NAALADL2: variants seen among roughly 807,000 people sequenced by gnomAD.
The protein encoded by NAALADL2 is N-acetylated alpha-linked acidic dipeptidase like 2, also known as inactive N-acetylated-alpha-linked acidic dipeptidase-like protein 2.
Under a neutral mutation model 87.2 loss-of-function variants are expected in NAALADL2, and 76 were observed. That is an observed-to-expected ratio of 0.87 (90% CI 0.72 to 1.05). NAALADL2 has a LOEUF of 1.05. Ranked by LOEUF, NAALADL2 falls within the 50% of genes least tolerant of loss-of-function variation. The pLI is 0.00. For synonymous variants in NAALADL2, 354 were observed against 331.0 expected, an observed-to-expected ratio of 1.07 and a Z score of -0.75; for missense variants, 1,089 against 945.8, an observed-to-expected ratio of 1.15 and a Z score of -1.99.
At chr3:175,544,801 A>G (rs1201445627) in intron 9 of NAALADL2, among the ~76,000 whole-genome samples, 1 of 152,028 alleles carries the variant, frequency 6.6e-6, no homozygotes, top group Admixed American at 6.6e-5. Context: ...CTGAAAATCC[A>G]GTGTTCACCT....
Position 175,609,986 on chromosome 3 carries a change from T to C in NAALADL2, c.1801-17305T>C, listed in dbSNP as rs555713919. ...CCTTCTTTATGCTAGTTCTTTTCAA[T>C]GTAAAAAAAAAGGAATTTACCTAAT... On this transcript the variant is annotated intron_variant, in intron 10 of 13. Coordinates refer to ENST00000454872, the MANE Select transcript of NAALADL2 (RefSeq NM_207015.3). 5.3e-5 allele frequency among the ~76,000 whole-genome samples: 8 copies of C among 151,874 alleles called. No individual in the cohort carries two copies. In the East Asian group the frequency reaches 1.5e-3, roughly 29 times the overall value.
chr3:175,506,949 G>A (rs1730415744), intron 9 of NAALADL2, among the ~76,000 whole-genome samples: 1 of 152,042 alleles, frequency 6.6e-6, no homozygotes, highest in East Asian at 1.9e-4. Flanking sequence ...GGACATGTCA[G>A]CCAGCTCTGT....
intron 1 of NAALADL2, among the ~76,000 whole-genome samples, chr3:174,961,878 A>G (rs1742053227): frequency 6.6e-6 from 1 of 152,048 alleles, no homozygotes; most frequent in Admixed American, 6.6e-5. Flanking sequence ...TTCTCACAGC[A>G]ACCCTGATGT....
intron 2 of NAALADL2, among the ~76,000 whole-genome samples, chr3:175,128,489 A>G (rs891835557): frequency 1.2e-4 from 19 of 152,076 alleles, no homozygotes; most frequent in Non-Finnish European, 7.4e-5. Flanking sequence ...TTAGTAGGCA[A>G]TCCTATGGCC....
chr3:175,239,628 A>C (rs1402065852), intron 3 of NAALADL2, among the ~76,000 whole-genome samples: 2 of 152,162 alleles, frequency 1.3e-5, no homozygotes, highest in Non-Finnish European at 2.9e-5. Flanking sequence ...AGATAAGCCA[A>C]GTAATGCAGT....
At chr3:175,350,671 A>G (rs1338346271) in intron 5 of NAALADL2, among the ~76,000 whole-genome samples, 1 of 152,142 alleles carries the variant, frequency 6.6e-6, no homozygotes, top group Admixed American at 6.6e-5. Flanking sequence ...GAGTGGGAAG[A>G]CAAAGAAATC....
At chr3:175,780,170 G>A (rs1750843173) in intron 13 of NAALADL2, among the ~76,000 whole-genome samples, 1 of 151,620 alleles carries the variant, frequency 6.6e-6, no homozygotes. Flanking sequence ...CAGGTACTCG[G>A]GAGGCTGAGG....
intron 1 of NAALADL2, among the ~76,000 whole-genome samples, chr3:174,497,130 T>C (rs11718088): frequency 0.29 from 44,187 of 152,034 alleles, 7,039 homozygotes; most frequent in South Asian, 0.46. Flanking sequence ...GTAGATGATA[T>C]GCAAATAGGT....
At chr3:175,407,340 A>T (rs1306898106) in intron 5 of NAALADL2, among the ~76,000 whole-genome samples, 1 of 152,202 alleles carries the variant, frequency 6.6e-6, no homozygotes, top group African/African-American at 2.4e-5. Context: ...CATTCTTAGC[A>T]CGTATCAGAC....
At chr3:174,901,479 T>A in intron 1 of NAALADL2, among the ~76,000 whole-genome samples, 1 of 152,180 alleles carries the variant, frequency 6.6e-6, no homozygotes, top group East Asian at 1.9e-4. Context: ...GGGCTTCTAG[T>A]AATCTTTCAT....
intron 1 of NAALADL2, among the ~76,000 whole-genome samples, chr3:174,522,588 A>G (rs538863334): frequency 2.6e-5 from 4 of 152,046 alleles, no homozygotes; most frequent in Non-Finnish European, 5.9e-5. Flanking sequence ...ACAGTGAGCC[A>G]TGATCACACC....
At chr3:175,220,349 T>C (rs541329171) in intron 2 of NAALADL2, among the ~76,000 whole-genome samples, 7 of 152,034 alleles carry the variant, frequency 4.6e-5, no homozygotes, top group Admixed American at 3.9e-4. Context: ...AAGTTTTTTT[T>C]TCTGGGAAGG....
chr3:175,664,156 ATGCTCATAGTTATCTTTG>A (rs1300839269), intron 11 of NAALADL2, among the ~76,000 whole-genome samples: 1 of 152,090 alleles, frequency 6.6e-6, no homozygotes, highest in Admixed American at 6.6e-5. Context: ...CTAAACGCTC[ATGCTCATAGTTATCTTTG>A]TGCATCTACA....
chr3:175,281,904 C>A (rs1054539783), intron 4 of NAALADL2, among the ~76,000 whole-genome samples: 2 of 151,916 alleles, frequency 1.3e-5, no homozygotes, highest in African/African-American at 4.8e-5. Flanking sequence ...AGATTCACTT[C>A]TTAAGACTTC....
intron 2 of NAALADL2, among the ~76,000 whole-genome samples, chr3:174,580,141 C>T (rs963034984): frequency 5.9e-5 from 9 of 151,582 alleles, no homozygotes; most frequent in Non-Finnish European, 1.5e-5. Flanking sequence ...GATATAAATA[C>T]AAGTATTTAA....
chr3:175,716,232 A>G (rs1741238285), intron 11 of NAALADL2, among the ~76,000 whole-genome samples: 1 of 146,462 alleles, frequency 6.8e-6, no homozygotes, highest in African/African-American at 2.5e-5. Context: ...TATAATATAT[A>G]ATATTGGAAT....
At chr3:175,719,094 G>A (rs1265436896) in intron 11 of NAALADL2, among the ~76,000 whole-genome samples, 1 of 152,038 alleles carries the variant, frequency 6.6e-6, no homozygotes, top group Non-Finnish European at 1.5e-5. Flanking sequence ...CTTCAGGAAG[G>A]AAGATTGAGG....
At chr3:174,515,823 C>T (rs1439246416) in intron 1 of NAALADL2, among the ~76,000 whole-genome samples, 1 of 151,786 alleles carries the variant, frequency 6.6e-6, no homozygotes, top group East Asian at 1.9e-4. Flanking sequence ...GACATTTTCT[C>T]AATACAGTGC....
intron 1 of NAALADL2, among the ~76,000 whole-genome samples, chr3:175,080,519 C>T (rs913892091): frequency 1.3e-5 from 2 of 152,162 alleles, no homozygotes; most frequent in Non-Finnish European, 2.9e-5. Flanking sequence ...AAGATTTGCT[C>T]ATATATCATA....
Sources: allele counts gnomAD v4.1 joint callset (sites outside exome capture counted in the v4.1 genomes callset), GRCh38; gene constraint gnomAD v4.1.1; transcripts MANE v1.5; gene names NCBI Gene and HGNC (gene_info 2026-07-23, HGNC 2026-07-21).